CNBD1: variants seen among roughly 807,000 people sequenced by gnomAD.
CNBD1 encodes the protein cyclic nucleotide-binding domain-containing protein 1.
In CNBD1, 71 loss-of-function variants were observed where a neutral mutation model predicts 54.4. The observed-to-expected ratio is 1.30, with a 90% confidence interval of 1.08 to 1.59. The LOEUF (loss-of-function observed/expected upper bound fraction) is 1.59. Ranked by LOEUF, CNBD1 falls within the 40% of genes most tolerant of loss-of-function variation. The pLI, the probability that CNBD1 is intolerant of heterozygous loss-of-function variation, is 0.00. For missense variants in CNBD1, 659 were observed against 518.0 expected (o/e 1.27, Z -2.64); for synonymous variants, 182 against 170.7 (o/e 1.07, Z -0.51).
In CNBD1 at chr8:87,351,736, G is replaced by C. The variant is rs1810300132; in HGVS notation, c.1094G>C (p.Gly365Ala). The C allele has an allele frequency of 6.5e-7, 1 of 1,534,892 alleles. No individual in the cohort carries two copies. The highest frequency in any genetic ancestry group is 1.4e-5 in the African/African-American group (1 of 71,206). Residue 365 changes from glycine to alanine, a missense_variant, in exon 9 of 11, where the codon GGA becomes GCA. Coordinates refer to ENST00000518476, the MANE Select transcript of CNBD1 (RefSeq NM_173538.3). Reference sequence around the variant, plus strand: ...TCTTTTGTGGGTTATATTAACTCTGGATGCTGTAACATTTATAGAAGTATT... The same window carrying C: ...TCTTTTGTGGGTTATATTAACTCTGCATGCTGTAACATTTATAGAAGTATT... ...IISFVGYINSGCCNIYRSIIG... is the reference protein window; with the variant it reads ...IISFVGYINSACCNIYRSIIG...
At chr8:86,918,651 C>A (rs981270978) in intron 3 of CNBD1, among the ~76,000 whole-genome samples, 3 of 151,932 alleles carry the variant, frequency 2.0e-5, no homozygotes, top group South Asian at 2.1e-4. Flanking sequence ...ATAAGACATG[C>A]CTTTTGCCTT....
rs368514145 is a variant in CNBD1, at chr8:86,902,656, T to G, written c.159-2425T>G. Among the ~76,000 whole-genome samples the G allele has an allele frequency of 3.3e-5, 5 of 152,132 alleles. No homozygotes were observed. The South Asian group carries it at 1.0e-3, about 32-fold the overall frequency. ...GCTTGAGGAAGTTGGAGTTATTTTCTTATAGATGAGTTTATTGCAGGTAAG... is the reference window on the plus strand; with the variant it reads ...GCTTGAGGAAGTTGGAGTTATTTTCGTATAGATGAGTTTATTGCAGGTAAG... On this transcript the variant is annotated intron_variant, in intron 2 of 10. Coordinates refer to ENST00000518476, the MANE Select transcript of CNBD1 (RefSeq NM_173538.3).
At chr8:86,900,193 CGTATAAGGTATGTTCTAAG>C (rs1354073976) in intron 2 of CNBD1, among the ~76,000 whole-genome samples, 1 of 150,408 alleles carries the variant, frequency 6.6e-6, no homozygotes, top group Non-Finnish European at 1.5e-5. Context: ...GGCATGTGTG[CGTATAAGGTATGTTCTAAG>C]GTATAAGGTA....
At chr8:87,202,750 G>C (rs929264739) in intron 4 of CNBD1, among the ~76,000 whole-genome samples, 1 of 152,186 alleles carries the variant, frequency 6.6e-6, no homozygotes, top group African/African-American at 2.4e-5. Flanking sequence ...AATGCAGAAA[G>C]TGTTTTCAAG....
intron 8 of CNBD1, among the ~76,000 whole-genome samples, chr8:87,330,597 G>T (rs1809803483): frequency 1.3e-5 from 2 of 152,152 alleles, no homozygotes; most frequent in South Asian, 4.1e-4. Flanking sequence ...AGTTGTTCTG[G>T]ATATCTCTTA....
chr8:87,140,336 G>T (rs1281841562), intron 4 of CNBD1, among the ~76,000 whole-genome samples: 1 of 152,112 alleles, frequency 6.6e-6, no homozygotes, highest in Non-Finnish European at 1.5e-5. Context: ...AAATTGCAGA[G>T]ATAGGTTATA....
chr8:87,240,650 G>C (rs1192983311), intron 6 of CNBD1, among the ~76,000 whole-genome samples: 1 of 152,080 alleles, frequency 6.6e-6, no homozygotes, highest in Non-Finnish European at 1.5e-5. Context: ...TTCTTACTTT[G>C]CATACTCTTT....
intron 4 of CNBD1, among the ~76,000 whole-genome samples, chr8:87,176,617 T>G (rs1367474089): frequency 6.6e-6 from 1 of 151,260 alleles, no homozygotes; most frequent in African/African-American, 2.4e-5. Context: ...CCCGATTAGC[T>G]GGGATTACAG....
intron 4 of CNBD1, among the ~76,000 whole-genome samples, chr8:87,092,615 G>A (rs968401687): frequency 6.6e-6 from 1 of 150,836 alleles, no homozygotes; most frequent in Non-Finnish European, 1.5e-5. Flanking sequence ...CTATTTTGCT[G>A]TTCATTTTTA....
intron 4 of CNBD1, among the ~76,000 whole-genome samples, chr8:87,081,141 C>T (rs1236547961): frequency 6.6e-6 from 1 of 151,896 alleles, no homozygotes; most frequent in African/African-American, 2.4e-5. Flanking sequence ...AGCATTTAGT[C>T]TTCTAAATGT....
intron 4 of CNBD1, among the ~76,000 whole-genome samples, chr8:87,125,963 AAATTATT>A (rs1190624488): frequency 6.6e-6 from 1 of 151,840 alleles, no homozygotes; most frequent in Non-Finnish European, 1.5e-5. Flanking sequence ...TTACTCAGCA[AAATTATT>A]ATGAGATTTA....
chr8:87,258,115 A>T (rs1808056694), intron 6 of CNBD1, among the ~76,000 whole-genome samples: 1 of 152,140 alleles, frequency 6.6e-6, no homozygotes, highest in South Asian at 2.1e-4. Context: ...GGGATGCTTT[A>T]AGTGCCCTCT....
intron 10 of CNBD1, among the ~76,000 whole-genome samples, chr8:87,370,092 G>A (rs1179903066): frequency 6.6e-6 from 1 of 151,932 alleles, no homozygotes. Flanking sequence ...ATTCCATGGT[G>A]TATATGTGCC....
At chr8:87,160,719 A>C (rs1812839851) in intron 4 of CNBD1, among the ~76,000 whole-genome samples, 3 of 152,108 alleles carry the variant, frequency 2.0e-5, no homozygotes, top group African/African-American at 2.4e-5. Flanking sequence ...TGAACTAATA[A>C]GGGATAGGGG....
At chr8:86,873,515 C>T (rs1808471837) in intron 1 of CNBD1, among the ~76,000 whole-genome samples, 1 of 152,080 alleles carries the variant, frequency 6.6e-6, no homozygotes, top group Non-Finnish European at 1.5e-5. Context: ...TCCTACTTCT[C>T]AGGCTGAATG....
At chr8:86,928,470 A>C (rs1050007701) in intron 3 of CNBD1, among the ~76,000 whole-genome samples, 2 of 152,188 alleles carry the variant, frequency 1.3e-5, no homozygotes, top group East Asian at 3.9e-4. Flanking sequence ...GCGCCCTGGA[A>C]ATTCCCTGAG....
At chr8:87,228,789 G>C (rs1018538458) in intron 5 of CNBD1, among the ~76,000 whole-genome samples, 35 of 152,100 alleles carry the variant, frequency 2.3e-4, no homozygotes, top group African/African-American at 8.2e-4. Context: ...CTTCCAGGCT[G>C]TGTTGTTTAC....
At chr8:87,256,966 A>G (rs1808036753) in intron 6 of CNBD1, among the ~76,000 whole-genome samples, 1 of 152,084 alleles carries the variant, frequency 6.6e-6, no homozygotes, top group South Asian at 2.1e-4. Context: ...AGTGAACCAC[A>G]AAAAGCTTTC....
At chr8:87,382,509 T>G in intron 10 of CNBD1, 111 bp from the exon 11 acceptor site, 1 of 767,524 alleles carries the variant, frequency 1.3e-6, no homozygotes, top group Non-Finnish European at 2.2e-6. Flanking sequence ...TTTTAAAGCA[T>G]AACCCCTCTG....
Sources: allele counts gnomAD v4.1 joint callset (sites outside exome capture counted in the v4.1 genomes callset), GRCh38; gene constraint gnomAD v4.1.1; transcripts MANE v1.5; gene names NCBI Gene and HGNC (gene_info 2026-07-23, HGNC 2026-07-21).